SLC36A1: variants seen among roughly 807,000 people sequenced by gnomAD.
SLC36A1 encodes proton-coupled amino acid transporter 1.
Under a neutral mutation model 47.5 loss-of-function variants are expected in SLC36A1, and 30 were observed. The ratio of observed to expected loss-of-function variants is 0.63; its 90% CI spans 0.47 to 0.86. The LOEUF (loss-of-function observed/expected upper bound fraction) is 0.86, where lower values mean the gene tolerates loss of function less well. Among genes scored for constraint, SLC36A1 ranks in the 40% least tolerant of loss-of-function variants. The pLI is 0.00. For synonymous variants in SLC36A1, 255 were observed against 249.7 expected (o/e 1.02, Z -0.20); for missense variants, 517 against 606.0 (o/e 0.85, Z 1.54).
the SLC36A1 span, chr5:151,554,643 G>A: frequency 1.3e-5 from 21 of 1,613,842 alleles, no homozygotes; most frequent in Non-Finnish European, 1.8e-5. Context: ...GTGGACTTCA[G>A]TGAGGGTTCC....
chr5:151,547,654 A>G, the SLC36A1 span, among the ~76,000 whole-genome samples: 1 of 152,234 alleles, frequency 6.6e-6, no homozygotes, highest in Non-Finnish European at 1.5e-5. Context: ...GTCAAAGAAC[A>G]TGGTTTTAAT....
the SLC36A1 span, chr5:151,550,914 G>A: frequency 1.3e-6 from 2 of 1,590,610 alleles, no homozygotes; most frequent in South Asian, 1.1e-5. Flanking sequence ...CAAGCCCCAG[G>A]GGAACAGGGA....
the SLC36A1 span, among the ~76,000 whole-genome samples, chr5:151,350,648 T>C: frequency 1.3e-5 from 2 of 152,012 alleles, no homozygotes; most frequent in African/African-American, 4.8e-5. Context: ...AAAAAGAGAA[T>C]ATTTCAACCC....
At chr5:151,530,286 G>T in the SLC36A1 span, among the ~76,000 whole-genome samples, 1 of 149,840 alleles carries the variant, frequency 6.7e-6, no homozygotes, top group Admixed American at 6.6e-5. Flanking sequence ...TCTTATGTGC[G>T]TCCAGACATG....
chr5:151,484,048 G>A (rs971934733), intron 10 of SLC36A1, among the ~76,000 whole-genome samples: 3 of 152,266 alleles, frequency 2.0e-5, no homozygotes, highest in South Asian at 2.1e-4. Flanking sequence ...ATGATGAAGC[G>A]GAAGATCTTT....
intron 3 of SLC36A1, 89 bp from the exon 4 acceptor site, chr5:151,464,425 T>C: frequency 8.4e-7 from 1 of 1,183,918 alleles, no homozygotes; most frequent in Non-Finnish European, 1.2e-6. Flanking sequence ...AGTAGCTTTT[T>C]AATCCTTTGT....
At chr5:151,537,371 GAAAC>G in the SLC36A1 span, among the ~76,000 whole-genome samples, 12 of 124,876 alleles carry the variant, frequency 9.6e-5, no homozygotes, top group Non-Finnish European at 1.5e-4. Context: ...AGGAAGGAAA[GAAAC>G]AACGAACAAC....
chr5:151,513,221 A>G, the SLC36A1 span, among the ~76,000 whole-genome samples: 1 of 152,234 alleles, frequency 6.6e-6, no homozygotes, highest in Non-Finnish European at 1.5e-5. Context: ...GCAAAAATGT[A>G]AAACAATGCC....
the SLC36A1 span, chr5:151,550,946 T>C: frequency 7.1e-7 from 1 of 1,399,660 alleles, no homozygotes; most frequent in Non-Finnish European, 9.9e-7. Context: ...TGGACCTCCC[T>C]GTATCACCCA....
In SLC36A1 at chr5:151,476,570, C is replaced by T; in HGVS notation, c.823-20C>T. ...TTCTTTTTTCTGCACTTTCTCTCCT[C>T]TCTCACTACTCTCTCATAGGTTCTG... On this transcript the variant is annotated intron_variant, in intron 8 of 10. Coordinates refer to ENST00000243389, the MANE Select transcript of SLC36A1 (RefSeq NM_078483.4). 3 of 1,448,820 alleles carry T rather than the reference C, an allele frequency of 2.1e-6. No homozygotes were observed. Among genetic ancestry groups the T allele is most frequent in the South Asian group, 1.7e-5 (1 of 59,440 alleles). The allele number at this position is 1,448,820 out of a possible 1,614,324, so 89.7% of individuals were successfully genotyped here.
chr5:151,378,537 C>A, the SLC36A1 span: 2 of 218,934 alleles, frequency 9.1e-6, no homozygotes, highest in South Asian at 1.6e-4. Context: ...TGGGCCTTGC[C>A]ATACATATCT....
the SLC36A1 span, chr5:151,554,522 G>A: frequency 2.5e-6 from 4 of 1,614,206 alleles, no homozygotes; most frequent in Non-Finnish European, 3.4e-6. Context: ...CCTGTACACA[G>A]GCCCAGGGGA....
At chr5:151,385,392 C>A in the SLC36A1 span, among the ~76,000 whole-genome samples, 2 of 152,298 alleles carry the variant, frequency 1.3e-5, no homozygotes, top group Admixed American at 6.5e-5. Context: ...CATTTTTAAA[C>A]CTTGTTCTTT....
the SLC36A1 span, among the ~76,000 whole-genome samples, chr5:151,401,054 T>C: frequency 6.6e-6 from 1 of 152,222 alleles, no homozygotes; most frequent in African/African-American, 2.4e-5. Context: ...TTGTTTTTGT[T>C]GTAATTGCTT....
the SLC36A1 span, chr5:151,517,585 C>T: frequency 6.2e-7 from 1 of 1,612,480 alleles, no homozygotes; most frequent in Admixed American, 1.7e-5. Context: ...GCCTGGGACA[C>T]CCACATGAAA....
At chr5:151,368,868 A>G in the SLC36A1 span, among the ~76,000 whole-genome samples, 1 of 152,352 alleles carries the variant, frequency 6.6e-6, no homozygotes, top group East Asian at 1.9e-4. Context: ...CCAGAGCTGC[A>G]ACAAAGGACT....
intron 1 of SLC36A1, among the ~76,000 whole-genome samples, chr5:151,441,804 C>T (rs879693813): frequency 1.3e-5 from 2 of 152,008 alleles, no homozygotes; most frequent in Non-Finnish European, 2.9e-5. Flanking sequence ...ATAAACTGCA[C>T]GTATTTAAAG....
At chr5:151,519,238 C>T in the SLC36A1 span, among the ~76,000 whole-genome samples, 1 of 152,126 alleles carries the variant, frequency 6.6e-6, no homozygotes, top group African/African-American at 2.4e-5. Context: ...CAGCTACTCA[C>T]GAGGCTGAGG....
the SLC36A1 span, among the ~76,000 whole-genome samples, chr5:151,554,041 A>G: frequency 2.0e-5 from 3 of 152,356 alleles, no homozygotes; most frequent in South Asian, 6.2e-4. Flanking sequence ...GACTTGTCCA[A>G]CATCACACAG....
Sources: gnomAD v4.1 joint callset for allele counts (sites outside exome capture counted in the v4.1 genomes callset) on GRCh38, gnomAD v4.1.1 for gene constraint, MANE v1.5 for transcripts, NCBI Gene and HGNC (gene_info 2026-07-23, HGNC 2026-07-21) for gene names.